Variants in CADM2 observed in about 807,000 individuals in gnomAD.
CADM2 encodes immunoglobulin superfamily member 4D.
Under a neutral mutation model 49.8 loss-of-function variants are expected in CADM2, and 12 were observed. The observed-to-expected ratio is 0.24, with a 90% CI of 0.15 to 0.39. CADM2 has a LOEUF of 0.39. CADM2 is among the 10% of genes least tolerant of loss of function. CADM2 has a pLI of 1.00. For synonymous variants in CADM2, 214 were observed against 175.4 expected (o/e 1.22, Z -1.74); for missense variants, 378 against 492.3 (o/e 0.77, Z 2.20).
At chr3:85,693,723 C>CAA (rs397807084) in intron 1 of CADM2, among the ~76,000 whole-genome samples, 853 of 66,414 alleles carry the variant, frequency 0.013, 14 homozygotes, top group African/African-American at 0.03. Flanking sequence ...ACGTATCTAC[C>CAA]AAAAAAAAAA....
chr3:85,209,013 T>C (rs74581904), intron 1 of CADM2, among the ~76,000 whole-genome samples: 11,248 of 152,188 alleles, frequency 0.074, 1,387 homozygotes, highest in African/African-American at 0.25. Context: ...ATTAAGCTTT[T>C]TGAAAGTTGT....
chr3:85,994,327 C>T (rs879452561), intron 8 of CADM2: 26 of 152,304 alleles, frequency 1.7e-4, no homozygotes, highest in Admixed American at 1.2e-3. Flanking sequence ...TTTCAATCTT[C>T]ACAGAATTGA....
intron 7 of CADM2, among the ~76,000 whole-genome samples, chr3:85,946,452 A>C (rs1357296656): frequency 7.2e-5 from 11 of 152,138 alleles, no homozygotes; most frequent in Admixed American, 2.6e-4. Context: ...ATGGAACCAA[A>C]AAAGAGCCCG....
chr3:85,209,169 A>G (rs1396879170), intron 1 of CADM2, among the ~76,000 whole-genome samples: 1 of 152,144 alleles, frequency 6.6e-6, no homozygotes, highest in Non-Finnish European at 1.5e-5. Context: ...TTAGGGTAGT[A>G]TTCATGATTT....
intron 1 of CADM2, among the ~76,000 whole-genome samples, chr3:85,312,993 C>T (rs1233206303): frequency 1.3e-5 from 2 of 152,172 alleles, no homozygotes; most frequent in African/African-American, 4.8e-5. Context: ...CCCAGAGGCA[C>T]ATTTTAACTA....
At chr3:85,251,162 A>G (rs1164640237) in intron 1 of CADM2, among the ~76,000 whole-genome samples, 2 of 151,810 alleles carry the variant, frequency 1.3e-5, no homozygotes, top group African/African-American at 2.4e-5. Flanking sequence ...CATTTTTTCA[A>G]TTTACAAAAT....
At chr3:85,175,654 T>C (rs143029250) in intron 1 of CADM2, among the ~76,000 whole-genome samples, 196 of 152,202 alleles carry the variant, frequency 1.3e-3, no homozygotes, top group African/African-American at 4.2e-3. Flanking sequence ...CTGAAAAAGT[T>C]CTGGAAATGA....
At chr3:85,437,263 C>G (rs1185658639) in intron 1 of CADM2, among the ~76,000 whole-genome samples, 1 of 152,120 alleles carries the variant, frequency 6.6e-6, no homozygotes, top group Non-Finnish European at 1.5e-5. Context: ...TACTGAAGGA[C>G]ATCTTAATCG....
chr3:85,110,437 C>T (rs2038407242), intron 1 of CADM2, among the ~76,000 whole-genome samples: 1 of 151,740 alleles, frequency 6.6e-6, no homozygotes, highest in Non-Finnish European at 1.5e-5. Context: ...TATGATTGTC[C>T]CTCCTTTCTT....
chr3:85,216,561 A>G (rs2041934477), intron 1 of CADM2, among the ~76,000 whole-genome samples: 1 of 151,926 alleles, frequency 6.6e-6, no homozygotes, highest in African/African-American at 2.4e-5. Flanking sequence ...TTGATACAAT[A>G]AAGCTGCTTT....
rs1436150170 is a variant in CADM2 at position 85,120,952 on chromosome 3, CA to C, written c.61+161288del. On this transcript the variant is annotated intron_variant, in intron 1 of 9. Coordinates refer to ENST00000383699, the MANE Select transcript of CADM2 (RefSeq NM_001167675.2). The stretch of plus-strand genomic sequence containing the variant: ...GTGAAACACGCTGTGAAGTACATTC[CA>C]AAAGTGATATTTCCATGAAGGAGCT... Among the ~76,000 whole-genome samples the C allele has an allele frequency of 2.6e-5, 4 of 152,260 alleles. No homozygotes were observed. In the East Asian group the frequency reaches 7.7e-4, roughly 29 times the overall value.
In CADM2 at chr3:85,051,013, T is replaced by C. The variant is rs2035862276; in HGVS notation, c.61+91345T>C. On this transcript the variant is annotated intron_variant, in intron 1 of 9. Coordinates refer to ENST00000383699, the MANE Select transcript of CADM2 (RefSeq NM_001167675.2). ...AAGCCTGCCAGCCTGCTTCATGCTA[T>C]TCTTAAAAGGAAGAGCAAAAAAGGC... Among the ~76,000 whole-genome samples, 4 of 152,168 alleles carry C rather than the reference T, an allele frequency of 2.6e-5. No homozygotes were observed. The South Asian group carries it at 8.3e-4, about 31-fold the overall frequency.
At chr3:85,062,871 A>C (rs1033617709) in intron 1 of CADM2, among the ~76,000 whole-genome samples, 1 of 151,876 alleles carries the variant, frequency 6.6e-6, no homozygotes, top group Non-Finnish European at 1.5e-5. Flanking sequence ...AAATACACAA[A>C]TATTATTTAA....
chr3:86,059,924 CACTT>C (rs1438764555), intron 8 of CADM2, among the ~76,000 whole-genome samples: 5 of 152,098 alleles, frequency 3.3e-5, no homozygotes, highest in Admixed American at 2.6e-4. Context: ...TTTAAAAATA[CACTT>C]ACTTGTAGAC....
chr3:85,923,904 T>C (rs1384290789), intron 6 of CADM2, among the ~76,000 whole-genome samples: 1 of 152,242 alleles, frequency 6.6e-6, no homozygotes, highest in Admixed American at 6.5e-5. Context: ...ATGTGATTAG[T>C]TGTTACTGTG....
intron 1 of CADM2, among the ~76,000 whole-genome samples, chr3:85,054,821 CA>C (rs927504187): frequency 6.6e-6 from 1 of 151,866 alleles, no homozygotes; most frequent in Non-Finnish European, 1.5e-5. Flanking sequence ...TACTTAAAAA[CA>C]TGAAACAATT....
chr3:85,425,420 CATACATTT>C (rs1307723942), intron 1 of CADM2, among the ~76,000 whole-genome samples: 25 of 152,236 alleles, frequency 1.6e-4, no homozygotes, highest in African/African-American at 6.0e-4. Flanking sequence ...GTGTTATTTC[CATACATTT>C]ATACAATGGG....
At chr3:85,045,046 C>A (rs2035592964) in intron 1 of CADM2, among the ~76,000 whole-genome samples, 1 of 151,990 alleles carries the variant, frequency 6.6e-6, no homozygotes, top group Non-Finnish European at 1.5e-5. Flanking sequence ...TGACCGTTAG[C>A]CTCGATTGTT....
intron 8 of CADM2, chr3:85,992,406 T>G (rs1728890761): frequency 6.6e-6 from 1 of 152,124 alleles, no homozygotes; most frequent in Non-Finnish European, 1.5e-5. Context: ...TTTTCTAAAT[T>G]TATAAGAATA....
Sources: gnomAD v4.1 joint callset for allele counts (sites outside exome capture counted in the v4.1 genomes callset) on GRCh38, gnomAD v4.1.1 for gene constraint, MANE v1.5 for transcripts, NCBI Gene and HGNC (gene_info 2026-07-23, HGNC 2026-07-21) for gene names.